Variants in CCDC88A observed in about 807,000 individuals in gnomAD.
The protein encoded by CCDC88A is coiled-coil and HOOK domain protein 88A, also known as girdin.
Under a neutral mutation model 234.3 loss-of-function variants are expected in CCDC88A, and 54 were observed. That is an observed-to-expected ratio of 0.23 (90% confidence interval 0.19 to 0.29). The LOEUF (loss-of-function observed/expected upper bound fraction) is 0.29. CCDC88A is among the 10% of genes least tolerant of loss of function. The pLI, the probability that CCDC88A is intolerant of heterozygous loss-of-function variation, is 1.00. For missense variants in CCDC88A, 1,832 were observed against 2,123.4 expected (o/e 0.86, Z 2.70); for synonymous variants, 753 against 737.8 (o/e 1.02, Z -0.33).
intron 5 of CCDC88A, among the ~76,000 whole-genome samples, chr2:55,366,572 C>T (rs1007646999): frequency 7.4e-6 from 1 of 135,654 alleles, no homozygotes; most frequent in African/African-American, 2.8e-5. Flanking sequence ...CACACACACA[C>T]ACACAAGATA....
intron 4 of CCDC88A, among the ~76,000 whole-genome samples, chr2:55,374,448 G>A (rs181577200): frequency 1.3e-5 from 2 of 152,210 alleles, no homozygotes; most frequent in East Asian, 3.9e-4. Flanking sequence ...GTAGATAGTA[G>A]ATATATGAAT....
chr2:55,372,219 G>C (rs1672948330), intron 5 of CCDC88A, among the ~76,000 whole-genome samples: 1 of 151,974 alleles, frequency 6.6e-6, no homozygotes, highest in Non-Finnish European at 1.5e-5. Flanking sequence ...ATAAGGAAAA[G>C]AGTAATTAAA....
At chr2:55,296,606 T>C in intron 29 of CCDC88A, 83 bp from the exon 30 acceptor site, 7 of 1,363,184 alleles carry the variant, frequency 5.1e-6, no homozygotes, top group Non-Finnish European at 7.1e-6. Flanking sequence ...GTTGACTGTG[T>C]GCTAATTATA....
chr2:55,401,481 T>C (rs1248367888), intron 2 of CCDC88A, among the ~76,000 whole-genome samples: 1 of 24,824 alleles, frequency 4.0e-5, no homozygotes, highest in African/African-American at 1.4e-4. Flanking sequence ...TGTGTGTGTA[T>C]GTATGTGTGT....
At chr2:55,364,886 C>A (rs1360312974) in intron 5 of CCDC88A, among the ~76,000 whole-genome samples, 1 of 152,106 alleles carries the variant, frequency 6.6e-6, no homozygotes, top group East Asian at 1.9e-4. Flanking sequence ...AAAGTGCCTA[C>A]AAAATAGACA....
At chr2:55,299,094 C>T (rs529714962) in intron 29 of CCDC88A, among the ~76,000 whole-genome samples, 74 of 152,072 alleles carry the variant, frequency 4.9e-4, no homozygotes, top group African/African-American at 1.6e-3. Context: ...GTTCCAGCTA[C>T]TTGGGAGGTT....
intron 5 of CCDC88A, among the ~76,000 whole-genome samples, chr2:55,370,498 AGGTG>A: frequency 6.6e-6 from 1 of 151,788 alleles, no homozygotes; most frequent in Non-Finnish European, 1.5e-5. Context: ...AAAATTAGCC[AGGTG>A]TGGTAGCACA....
chr2:55,419,390 A>G lies in CCDC88A; in HGVS notation c.-311T>C, dbSNP rs1681970381. On this transcript the variant is annotated 5_prime_UTR_variant, in exon 1 of 33. Transcript: ENST00000436346. ...GGAAGGGAAAGGGGGCTGGAACCCA[A>G]GACAAAAAGCCCGTCAAGGTTGTCC... 2.9e-6 allele frequency: 1 copy of G among 349,826 alleles called. No homozygotes were observed. The highest frequency in any genetic ancestry group is 2.1e-5 in the African/African-American group (1 of 47,482). The allele number at this position is 349,826 out of a possible 1,614,324, so 21.7% of individuals were successfully genotyped here.
At position 55,332,184 on chromosome 2, in the gene CCDC88A, T is replaced by A. The variant is rs1367482215; in HGVS notation, c.2855+382A>T. On this transcript the variant is annotated intron_variant, in intron 16 of 32. Transcript: ENST00000436346. The surrounding 1 kb of genome is among the most constrained non-coding windows in gnomAD (Gnocchi z 4.5). ...CCCAGGCTGGAGTGCAACGGCACGA[T>A]CTCAGCTCACCGCAACCTCAGCCTC... is the stretch of plus-strand genomic sequence containing the variant. The A allele has an allele frequency of 6.5e-6, 1 of 154,480 alleles. No individual in the cohort carries two copies. Among genetic ancestry groups the A allele is most frequent in the African/African-American group, 2.4e-5 (1 of 41,440 alleles). The allele number at this position is 154,480 out of a possible 1,614,324, so 9.6% of individuals were successfully genotyped here.
intron 2 of CCDC88A, among the ~76,000 whole-genome samples, chr2:55,410,702 A>T (rs1408533080): frequency 3.3e-5 from 5 of 152,146 alleles, no homozygotes; most frequent in Non-Finnish European, 5.9e-5. Flanking sequence ...TGGGCAACAC[A>T]GCAAAACTCT....
intron 3 of CCDC88A, among the ~76,000 whole-genome samples, chr2:55,386,017 A>G (rs2104879718): frequency 6.6e-6 from 1 of 150,942 alleles, no homozygotes; most frequent in South Asian, 2.1e-4. Flanking sequence ...TGAGGTCAGG[A>G]GTTCAAGACC....
Position 55,301,889 on chromosome 2 carries a change from T to A in CCDC88A, c.4655A>T (p.Gln1552Leu). ...VNSSAGFRSK[Q>L]LVNNKDTTSF... Reference sequence around the variant, plus strand: ...GCCTATACCTTTATTATTAACCAACTGCTTGGATCTGAAGCCTGCAGAAGA... The same window carrying A: ...GCCTATACCTTTATTATTAACCAACAGCTTGGATCTGAAGCCTGCAGAAGA... Residue 1552 changes from glutamine to leucine, a missense_variant, in exon 27 of 33, where the codon CAG (glutamine) becomes CTG (leucine). This residue lies in a region of CCDC88A where 422 missense variants were observed against 416.5 expected (regional missense o/e 1.01). Transcript: ENST00000436346. 3 of 1,614,138 alleles carry A rather than the reference T, an allele frequency of 1.9e-6. No individual in the cohort carries two copies. Among genetic ancestry groups the A allele is most frequent in the Non-Finnish European group, 2.5e-6 (3 of 1,180,010 alleles).
At chr2:55,402,990 C>T (rs1057191125) in intron 2 of CCDC88A, among the ~76,000 whole-genome samples, 4 of 151,860 alleles carry the variant, frequency 2.6e-5, no homozygotes, top group South Asian at 2.1e-4. Flanking sequence ...GCCTGGGCAA[C>T]TGAGCAAGAC....
At chr2:55,380,308 C>T (rs187025320) in intron 3 of CCDC88A, among the ~76,000 whole-genome samples, 4 of 151,738 alleles carry the variant, frequency 2.6e-5, no homozygotes, top group African/African-American at 7.3e-5. Flanking sequence ...ATGAGGAGAA[C>T]GTTAAAATTT....
At chr2:55,303,300 AT>A in intron 25 of CCDC88A, 148 bp from the exon 26 acceptor site, 1 of 620,292 alleles carries the variant, frequency 1.6e-6, no homozygotes. Context: ...TATTATTCTC[AT>A]GCTGCTGAGT....
At chr2:55,373,337 T>A (rs1261242185) in intron 4 of CCDC88A, among the ~76,000 whole-genome samples, 2 of 152,166 alleles carry the variant, frequency 1.3e-5, no homozygotes, top group Non-Finnish European at 2.9e-5. Flanking sequence ...ACTCCCTCTG[T>A]CTGTCCTCCT....
chr2:55,398,567 G>GTGA (rs1193863914), intron 2 of CCDC88A, among the ~76,000 whole-genome samples: 1 of 152,158 alleles, frequency 6.6e-6, no homozygotes, highest in East Asian at 1.9e-4. Flanking sequence ...CCCTAAGGAT[G>GTGA]TGATCTCTTT....
At chr2:55,415,292 T>C (rs963915005) in intron 2 of CCDC88A, among the ~76,000 whole-genome samples, 11 of 151,922 alleles carry the variant, frequency 7.2e-5, no homozygotes, top group Admixed American at 2.0e-4. Flanking sequence ...CTGAGCAACA[T>C]AGCCAGACCC....
At chr2:55,360,731 A>C (rs1257687138) in intron 7 of CCDC88A, among the ~76,000 whole-genome samples, 2 of 152,182 alleles carry the variant, frequency 1.3e-5, no homozygotes, top group Admixed American at 1.3e-4. Flanking sequence ...ATGGGATCAA[A>C]CTTTTTTTTT....
Sources: allele counts gnomAD v4.1 joint callset (sites outside exome capture counted in the v4.1 genomes callset), GRCh38; gene constraint gnomAD v4.1.1; regional missense constraint gnomAD v4.1.1; non-coding constraint Gnocchi (gnomAD v3.1); transcripts MANE v1.5; gene names NCBI Gene and HGNC (gene_info 2026-07-23, HGNC 2026-07-21).